TSHR: variants seen among roughly 807,000 people sequenced by gnomAD.
TSHR encodes the protein thyrotropin receptor.
Under a neutral mutation model 64.1 loss-of-function variants are expected in TSHR, and 51 were observed. The observed-to-expected ratio is 0.80, with a 90% CI of 0.64 to 1.01. The LOEUF is 1.01. Ranked by LOEUF, TSHR falls within the 50% of genes least tolerant of loss-of-function variation. The pLI is 0.00. For synonymous variants in TSHR, 361 were observed against 361.9 expected (o/e 1.00, Z 0.03); for missense variants, 877 against 942.8 (o/e 0.93, Z 0.91).
At chr14:81,016,621 T>C (rs1376696725) in intron 1 of TSHR, among the ~76,000 whole-genome samples, 3 of 152,328 alleles carry the variant, frequency 2.0e-5, no homozygotes, top group East Asian at 1.9e-4. Context: ...TTTAATTTGA[T>C]GTAATTCCAC....
intron 1 of TSHR, among the ~76,000 whole-genome samples, chr14:81,059,534 C>A (rs1886075122): frequency 6.6e-6 from 1 of 152,072 alleles, no homozygotes; most frequent in South Asian, 2.1e-4. Flanking sequence ...TCTAATAATT[C>A]ATTTAACATT....
intron 1 of TSHR, among the ~76,000 whole-genome samples, chr14:80,975,686 G>T (rs893849687): frequency 5.9e-5 from 9 of 152,174 alleles, no homozygotes; most frequent in African/African-American, 1.9e-4. Context: ...AACCTTTGTT[G>T]CAAAATCCAA....
At chr14:80,991,634 G>C (rs1888730262) in intron 1 of TSHR, 1 of 398,460 alleles carries the variant, frequency 2.5e-6, no homozygotes, top group Non-Finnish European at 4.4e-6. Flanking sequence ...AGGAAAGAAA[G>C]AGTTGATGGC....
intron 2 of TSHR, among the ~76,000 whole-genome samples, chr14:81,063,123 T>C (rs1424137324): frequency 1.3e-5 from 2 of 152,182 alleles, no homozygotes; most frequent in Non-Finnish European, 2.9e-5. Flanking sequence ...GTGCTGAGGC[T>C]GACAGACCAT....
chr14:81,135,150 C>A (rs1306326523), intron 8 of TSHR, among the ~76,000 whole-genome samples: 1 of 152,102 alleles, frequency 6.6e-6, no homozygotes, highest in Non-Finnish European at 1.5e-5. Flanking sequence ...TTCAGACATG[C>A]AAAGACTCAG....
intron 1 of TSHR, among the ~76,000 whole-genome samples, chr14:81,041,101 G>A (rs1352526246): frequency 2.6e-5 from 4 of 152,062 alleles, no homozygotes; most frequent in South Asian, 2.1e-4. Flanking sequence ...GGAAGAAGGC[G>A]TGGCGATTTC....
At chr14:80,966,128 T>C (rs980925996) in intron 1 of TSHR, among the ~76,000 whole-genome samples, 1 of 152,240 alleles carries the variant, frequency 6.6e-6, no homozygotes, top group Non-Finnish European at 1.5e-5. Context: ...CTCATAATTA[T>C]GCAACTCCAG....
intron 6 of TSHR, among the ~76,000 whole-genome samples, chr14:81,096,037 G>A (rs1471045356): frequency 3.2e-5 from 4 of 125,828 alleles, no homozygotes; most frequent in African/African-American, 1.1e-4. Context: ...GAGAGACCCT[G>A]TCTCAAAAAA....
intron 1 of TSHR, chr14:81,014,441 T>G (rs773446627): frequency 6.6e-6 from 1 of 152,170 alleles, no homozygotes; most frequent in East Asian, 1.9e-4. Flanking sequence ...AGATAATATA[T>G]GCAAACAGAT....
At chr14:81,064,284 G>C (rs1442132679) in intron 2 of TSHR, among the ~76,000 whole-genome samples, 1 of 152,116 alleles carries the variant, frequency 6.6e-6, no homozygotes, top group Non-Finnish European at 1.5e-5. Flanking sequence ...ATAGAGATTT[G>C]AGACATAAAT....
chr14:81,025,334 A>T (rs902469130), intron 1 of TSHR, among the ~76,000 whole-genome samples: 1 of 152,138 alleles, frequency 6.6e-6, no homozygotes, highest in African/African-American at 2.4e-5. Context: ...ATTGTTGCAA[A>T]TCTCCAAAAA....
chr14:81,086,684 A>G (rs946681628), intron 3 of TSHR, among the ~76,000 whole-genome samples: 15 of 152,242 alleles, frequency 9.9e-5, no homozygotes, highest in Admixed American at 2.0e-4. Context: ...CCAAGGTCAT[A>G]TAATCAGAAG....
intron 1 of TSHR, among the ~76,000 whole-genome samples, chr14:81,027,749 A>C (rs1884143571): frequency 6.6e-6 from 1 of 152,208 alleles, no homozygotes; most frequent in East Asian, 1.9e-4. Context: ...ATGAGCATTA[A>C]GTCATTTTAA....
intron 8 of TSHR, among the ~76,000 whole-genome samples, chr14:81,135,799 A>G (rs1891432214): frequency 6.6e-6 from 1 of 152,232 alleles, no homozygotes; most frequent in Non-Finnish European, 1.5e-5. Context: ...AGAGAAGTAC[A>G]GAGGAGCTCC....
At chr14:81,127,617 A>C (rs777853179) in intron 8 of TSHR, among the ~76,000 whole-genome samples, 1 of 152,170 alleles carries the variant, frequency 6.6e-6, no homozygotes, top group Non-Finnish European at 1.5e-5. Flanking sequence ...GTGGGAGATA[A>C]TTGAATCATG....
chr14:80,978,233 G>A (rs1887992694), intron 1 of TSHR, among the ~76,000 whole-genome samples: 1 of 151,974 alleles, frequency 6.6e-6, no homozygotes, highest in Non-Finnish European at 1.5e-5. Flanking sequence ...TTAGTAATTG[G>A]GCTGCCACCC....
intron 8 of TSHR, among the ~76,000 whole-genome samples, chr14:81,128,623 C>T (rs892052345): frequency 6.6e-6 from 1 of 152,116 alleles, no homozygotes; most frequent in Non-Finnish European, 1.5e-5. Flanking sequence ...TTCTCTCATC[C>T]TACCTCCTAT....
At chr14:81,095,850 G>A (rs1175834005) in intron 6 of TSHR, among the ~76,000 whole-genome samples, 1 of 152,086 alleles carries the variant, frequency 6.6e-6, no homozygotes, top group Non-Finnish European at 1.5e-5. Flanking sequence ...GACTAGCCTG[G>A]GCAACATGGT....
chr14:81,037,737 A>C (rs948598173), intron 1 of TSHR, among the ~76,000 whole-genome samples: 3 of 87,062 alleles, frequency 3.4e-5, no homozygotes, highest in African/African-American at 1.3e-4. Context: ...GGGGAGACAA[A>C]GAAGGTAAAT....
Sources: gnomAD v4.1 joint callset for allele counts (sites outside exome capture counted in the v4.1 genomes callset) on GRCh38, gnomAD v4.1.1 for gene constraint, MANE v1.5 for transcripts, NCBI Gene and HGNC (gene_info 2026-07-23, HGNC 2026-07-21) for gene names.